TRDN: variants seen among roughly 807,000 people sequenced by gnomAD.
The protein encoded by TRDN is triadin in skeletal muscle.
In TRDN, 161 loss-of-function variants were observed where a neutral mutation model predicts 149.7. That is an observed-to-expected ratio of 1.08 (90% CI 0.95 to 1.23). The LOEUF (loss-of-function observed/expected upper bound fraction) is 1.23. Among genes scored for constraint, TRDN ranks in the 50% most tolerant of loss-of-function variants. The probability of loss-of-function intolerance (pLI) is 0.00; values close to 1 mark genes in which losing one functional copy is unlikely to be tolerated. For missense variants in TRDN, 896 were observed against 823.5 expected (o/e 1.09, Z -1.08); for synonymous variants, 294 against 250.5 (o/e 1.17, Z -1.64).
rs191888239 is a variant in TRDN, at chr6:123,256,900, A to G, written c.1871-998T>C. Among the ~76,000 whole-genome samples, 71 of 151,744 alleles carry G rather than the reference A, an allele frequency of 4.7e-4. 1 individual carries two copies. In the East Asian group the frequency reaches 0.012, roughly 26 times the overall value. On this transcript the variant is annotated intron_variant, in intron 35 of 40. Coordinates refer to ENST00000334268, the MANE Select transcript of TRDN (RefSeq NM_006073.4). ...AGTCATGAAGTCTTTGTCCATGTCT[A>G]TGTCCTGAATGGTATTCCCTAGGTT...
intron 8 of TRDN, chr6:123,498,087 A>C (rs979561807): frequency 6.4e-6 from 1 of 156,542 alleles, no homozygotes; most frequent in East Asian, 1.8e-4. Flanking sequence ...CAATTGATGA[A>C]TCTTTACCGT....
chr6:123,552,307 C>A (rs577922213), intron 2 of TRDN, among the ~76,000 whole-genome samples: 1 of 152,002 alleles, frequency 6.6e-6, no homozygotes, highest in Non-Finnish European at 1.5e-5. Context: ...TTTATTTGTC[C>A]TCTGGTTTTG....
rs747163205 is a variant in TRDN at position 123,273,008 on chromosome 6, T to C, written c.1628A>G (p.Gln543Arg). ...AISEKVQIHK[Q>R]DIVKPEKTVS... Reference sequence around the variant, plus strand: ...AGTCTTTTCTGGTTTCACTATGTCTTGTTCTGAAAATAATAAAAAGAAAAT... The same window carrying C: ...AGTCTTTTCTGGTTTCACTATGTCTCGTTCTGAAAATAATAAAAAGAAAAT... Residue 543 changes from glutamine (Q) to arginine (R), a missense_variant, in exon 29 of 41, where the codon CAA becomes CGA. Transcript: ENST00000334268. 1.3e-6 allele frequency: 2 copies of C among 1,502,680 alleles called. No individual in the cohort carries two copies. The highest frequency in any genetic ancestry group is 2.7e-5 in the Admixed American group (1 of 37,654). The allele number at this position is 1,502,680 out of a possible 1,614,324, so 93.1% of individuals were successfully genotyped here. A position where few individuals can be genotyped will look rare whatever the true frequency, so the allele number is the denominator to read the frequency against.
At chr6:123,321,675 T>C (rs1779248806) in intron 23 of TRDN, among the ~76,000 whole-genome samples, 1 of 152,076 alleles carries the variant, frequency 6.6e-6, no homozygotes, top group Admixed American at 6.6e-5. Context: ...CATGAGGAAG[T>C]ACTGCATGGA....
chr6:123,398,514 C>G (rs1240959679), intron 12 of TRDN, among the ~76,000 whole-genome samples: 1 of 152,154 alleles, frequency 6.6e-6, no homozygotes, highest in Non-Finnish European at 1.5e-5. Context: ...GTCCAAAGAG[C>G]TGCTAAATCA....
chr6:123,476,380 C>G (rs1427456085), intron 9 of TRDN, among the ~76,000 whole-genome samples: 2 of 96,732 alleles, frequency 2.1e-5, no homozygotes, highest in Admixed American at 2.3e-4. Flanking sequence ...TCAAGGAGAA[C>G]TACAAACCAC....
rs144859649 is a variant in TRDN at position 123,445,984 on chromosome 6, C to T, written c.932-6981G>A. ...CACGATAGCAAAGACTTGGAACCAACCCAAATGTCCAACAATGATAGACCG... is the reference window on the plus strand; with the variant it reads ...CACGATAGCAAAGACTTGGAACCAATCCAAATGTCCAACAATGATAGACCG... On this transcript the variant is annotated intron_variant, in intron 10 of 40. Transcript: ENST00000334268. 8.8e-3 allele frequency among the ~76,000 whole-genome samples: 1,298 copies of T among 146,876 alleles called. 55 individuals carry two copies. Among genetic ancestry groups the T allele is most frequent in the African/African-American group, 0.033 (1,238 of 37,388 alleles).
chr6:123,246,381 T>C (rs769686325), intron 38 of TRDN, among the ~76,000 whole-genome samples: 1 of 151,574 alleles, frequency 6.6e-6, no homozygotes, highest in Non-Finnish European at 1.5e-5. Flanking sequence ...ATAGACACAA[T>C]AAAAAATGAT....
chr6:123,409,715 A>ACC lies in TRDN; in HGVS notation c.1052-16040_1052-16039dup, dbSNP rs1554233612. Among the ~76,000 whole-genome samples, 178 of 151,484 alleles carry ACC rather than the reference A, an allele frequency of 1.2e-3. 1 individual carries two copies. The highest frequency in any genetic ancestry group is 4.6e-3 in the South Asian group (22 of 4,782). On this transcript the variant is annotated intron_variant, in intron 12 of 40. Coordinates refer to ENST00000334268, the MANE Select transcript of TRDN (RefSeq NM_006073.4). The stretch of plus-strand genomic sequence containing the variant: ...TACACACACACACACACACACACAC[A>ACC]CCCAAAACTCAGAGTCTAGTGAGAA...
chr6:123,432,332 T>G (rs940162995), intron 12 of TRDN, among the ~76,000 whole-genome samples: 33 of 152,110 alleles, frequency 2.2e-4, no homozygotes, highest in Non-Finnish European at 4.3e-4. Context: ...TTGTATATCT[T>G]ACAAATGCAT....
intron 9 of TRDN, among the ~76,000 whole-genome samples, chr6:123,488,341 T>C (rs1778061918): frequency 6.6e-6 from 1 of 152,184 alleles, no homozygotes; most frequent in African/African-American, 2.4e-5. Flanking sequence ...GACTAGAATC[T>C]TCACATACTT....
intron 9 of TRDN, among the ~76,000 whole-genome samples, chr6:123,483,269 AT>A (rs1253779304): frequency 7.9e-5 from 12 of 151,140 alleles, no homozygotes; most frequent in Non-Finnish European, 1.2e-4. Context: ...TGCCAGGCTA[AT>A]TTTTTGTATT....
chr6:123,535,892 CAT>C (rs1362162182), intron 4 of TRDN, among the ~76,000 whole-genome samples: 6 of 152,078 alleles, frequency 3.9e-5, no homozygotes, highest in Non-Finnish European at 7.4e-5. Context: ...AAAATGTAGA[CAT>C]AGATAAAACT....
At chr6:123,344,818 T>C (rs1780195104) in intron 21 of TRDN, among the ~76,000 whole-genome samples, 1 of 152,006 alleles carries the variant, frequency 6.6e-6, no homozygotes, top group Non-Finnish European at 1.5e-5. Context: ...CTGGATTGCA[T>C]CGTGAGAGTA....
intron 4 of TRDN, among the ~76,000 whole-genome samples, chr6:123,542,994 C>T (rs1780927898): frequency 6.6e-6 from 1 of 151,928 alleles, no homozygotes; most frequent in African/African-American, 2.4e-5. Flanking sequence ...GATATCATTA[C>T]TATTATTCAC....
chr6:123,361,622 T>C (rs1469921247), intron 20 of TRDN, among the ~76,000 whole-genome samples: 1 of 152,178 alleles, frequency 6.6e-6, no homozygotes, highest in African/African-American at 2.4e-5. Context: ...ATTTCTCATA[T>C]ACTTCACTCC....
intron 8 of TRDN, among the ~76,000 whole-genome samples, chr6:123,501,162 T>C (rs188856883): frequency 1.1e-4 from 16 of 152,252 alleles, no homozygotes; most frequent in Admixed American, 3.3e-4. Flanking sequence ...ATGTATTATT[T>C]CCATATACAA....
Position 123,216,506 on chromosome 6 carries a change from T to G in TRDN, c.*2095A>C, listed in dbSNP as rs965968751. 1.3e-5 allele frequency: 2 copies of G among 151,952 alleles called. No individual in the cohort carries two copies. Among genetic ancestry groups the G allele is most frequent in the African/African-American group, 4.8e-5 (2 of 41,424 alleles). The allele number at this position is 151,952 out of a possible 1,614,324, so 9.4% of individuals were successfully genotyped here. On this transcript the variant is annotated 3_prime_UTR_variant, in exon 41 of 41. Coordinates refer to ENST00000334268, the MANE Select transcript of TRDN (RefSeq NM_006073.4). ...TGTCTAAATTCTAATTACAATAAAA[T>G]ATATCGTTTTATCTTATCAAATAGT...
intron 21 of TRDN, 110 bp downstream of exon 21, chr6:123,352,429 G>C (rs1244245136): frequency 6.7e-7 from 1 of 1,496,474 alleles, no homozygotes; most frequent in African/African-American, 1.4e-5. Flanking sequence ...GTGATAAAGA[G>C]TAATAGACTT....
Sources: allele counts gnomAD v4.1 joint callset (sites outside exome capture counted in the v4.1 genomes callset), GRCh38; gene constraint gnomAD v4.1.1; transcripts MANE v1.5; gene names NCBI Gene and HGNC (gene_info 2026-07-23, HGNC 2026-07-21).